DIP2A: variants seen among roughly 807,000 people sequenced by gnomAD.
DIP2A encodes DIP2 acetate--CoA ligase A.
Under a neutral mutation model 177.4 loss-of-function variants are expected in DIP2A, and 85 were observed. That is an observed-to-expected ratio of 0.48 (90% confidence interval 0.40 to 0.57). DIP2A has a LOEUF of 0.57. Ranked by LOEUF, DIP2A falls within the 20% of genes least tolerant of loss-of-function variation. The pLI is 0.00. For synonymous variants in DIP2A, 886 were observed against 881.8 expected (o/e 1.00, Z -0.08); for missense variants, 1,791 against 2,100.2 (o/e 0.85, Z 2.88).
intron 4 of DIP2A, among the ~76,000 whole-genome samples, chr21:46,497,964 A>G (rs1295018389): frequency 6.6e-6 from 1 of 152,278 alleles, no homozygotes; most frequent in African/African-American, 2.4e-5. Flanking sequence ...ACACACAGTC[A>G]TGCTGACTTG....
chr21:46,477,674 A>G (rs1422476084), intron 1 of DIP2A, among the ~76,000 whole-genome samples: 1 of 148,984 alleles, frequency 6.7e-6, no homozygotes, highest in African/African-American at 2.5e-5. Context: ...CCCTGGTTCA[A>G]GTGATTCTCC....
At chr21:46,469,119 G>C (rs977471235) in intron 1 of DIP2A, 3 of 152,216 alleles carry the variant, frequency 2.0e-5, no homozygotes, top group African/African-American at 7.2e-5. Flanking sequence ...TTATTTGTTT[G>C]CTTGTCTTTT....
chr21:46,473,748 T>G (rs1405074738), intron 1 of DIP2A, among the ~76,000 whole-genome samples: 1 of 152,086 alleles, frequency 6.6e-6, no homozygotes, highest in Non-Finnish European at 1.5e-5. Context: ...ACTCCCGACT[T>G]CAAGTGATCC....
At chr21:46,459,882 T>C (rs1334162597) in intron 1 of DIP2A, among the ~76,000 whole-genome samples, 1 of 151,998 alleles carries the variant, frequency 6.6e-6, no homozygotes, top group Non-Finnish European at 1.5e-5. Flanking sequence ...GGTGTGAGAA[T>C]CTTGAGAGGA....
intron 3 of DIP2A, among the ~76,000 whole-genome samples, chr21:46,495,459 G>C (rs112435055): frequency 0.34 from 51,746 of 151,358 alleles, 9,301 homozygotes; most frequent in Middle Eastern, 0.44. Flanking sequence ...GTAGAGACAG[G>C]GTTTCTCCAT....
chr21:46,558,581 T>A (rs551719901), intron 32 of DIP2A, 188 bp downstream of exon 32: 1 of 635,314 alleles, frequency 1.6e-6, no homozygotes, highest in Admixed American at 2.9e-5. Flanking sequence ...CTATTCTAGT[T>A]GGAGAAAGGC....
At chr21:46,576,280 T>G in the DIP2A span, among the ~76,000 whole-genome samples, 5 of 152,216 alleles carry the variant, frequency 3.3e-5, no homozygotes, top group African/African-American at 1.2e-4. Context: ...CCTCCCCCAG[T>G]GTCCCCCCAA....
At chr21:46,562,723 G>A (rs1344193556) in intron 34 of DIP2A, among the ~76,000 whole-genome samples, 1 of 152,200 alleles carries the variant, frequency 6.6e-6, no homozygotes, top group African/African-American at 2.4e-5. Context: ...GCAGGGGCTT[G>A]AAAAGCTCCC....
intron 36 of DIP2A, among the ~76,000 whole-genome samples, chr21:46,566,141 C>T (rs189786617): frequency 6.6e-6 from 1 of 152,312 alleles, no homozygotes; most frequent in East Asian, 1.9e-4. Context: ...TACCAGGCTT[C>T]TCCCCGAGGC....
rs888924081 is a variant in DIP2A, at chr21:46,563,612, C to G, written c.4090-246C>G. 5.4e-6 allele frequency: 3 copies of G among 551,440 alleles called. No individual in the cohort carries two copies. The highest frequency in any genetic ancestry group is 9.1e-6 in the Non-Finnish European group (3 of 330,218). 34.2% of individuals were successfully genotyped at this position (551,440 alleles called of 1,614,324 possible). On this transcript the variant is annotated intron_variant, in intron 34 of 37. Transcript: ENST00000417564. This position sits in a 1 kb window ranked among gnomAD's most constrained non-coding sequence, Gnocchi z 4.3. ...TTTGTAGGCTTAGTGACCCTCTGCC[C>G]CTCCTGACACCCAGAGACGGGATCC...
intron 13 of DIP2A, among the ~76,000 whole-genome samples, chr21:46,535,618 G>A (rs1024659569): frequency 3.9e-5 from 6 of 152,148 alleles, no homozygotes; most frequent in African/African-American, 1.2e-4. Context: ...GTGTTTAAAA[G>A]CAAGGGTATA....
chr21:46,484,275 A>G (rs772192422), intron 1 of DIP2A, among the ~76,000 whole-genome samples: 1 of 152,184 alleles, frequency 6.6e-6, no homozygotes, highest in Non-Finnish European at 1.5e-5. Context: ...TAAAATTTGA[A>G]GTGTTATTTA....
chr21:46,532,009 A>T lies in DIP2A; in HGVS notation c.1195-118A>T. ...TTTGGACTTGTCCCTTATGGTTTCA[A>T]GCACAATTATTACAATATTTGGGGC... is the stretch of plus-strand genomic sequence containing the variant. On this transcript the variant is annotated intron_variant, in intron 9 of 37. Transcript: ENST00000417564. The T allele has an allele frequency of 4.3e-6, 4 of 921,342 alleles. No individual in the cohort carries two copies. The East Asian group carries it at 8.0e-5, about 18-fold the overall frequency. 57.1% of individuals were successfully genotyped at this position (921,342 alleles called of 1,614,324 possible). A position where few individuals can be genotyped will look rare whatever the true frequency, so the allele number is the denominator to read the frequency against.
chr21:46,566,756 G>A lies in DIP2A; in HGVS notation c.4463+73G>A, dbSNP rs555183185. ...CCTCTGGGCATGAGTGCTGTGCATC[G>A]GTTGGAGCAGAGCAAGGACTGCTGG... On this transcript the variant is annotated intron_variant, in intron 37 of 37. Coordinates refer to ENST00000417564, the MANE Select transcript of DIP2A (RefSeq NM_015151.4). 120 of 1,587,530 alleles carry A rather than the reference G, an allele frequency of 7.6e-5. 1 individual carries two copies. The Admixed American group carries it at 7.8e-4, about 10-fold the overall frequency.
intron 3 of DIP2A, among the ~76,000 whole-genome samples, chr21:46,493,530 T>A (rs547999921): frequency 6.6e-6 from 1 of 150,790 alleles, no homozygotes; most frequent in East Asian, 2.0e-4. Flanking sequence ...TAAATGATAA[T>A]TTGGCTGGAT....
At chr21:46,476,394 A>T (rs2055848366) in intron 1 of DIP2A, among the ~76,000 whole-genome samples, 1 of 151,892 alleles carries the variant, frequency 6.6e-6, no homozygotes, top group Non-Finnish European at 1.5e-5. Flanking sequence ...AGGATGAGCA[A>T]TCTACAGAGT....
At chr21:46,475,082 AC>A (rs2055725750) in intron 1 of DIP2A, among the ~76,000 whole-genome samples, 2 of 1,316 alleles carry the variant, frequency 1.5e-3, no homozygotes, top group African/African-American at 8.1e-3. Flanking sequence ...ACTCTTCTCC[AC>A]TTAACACTCT....
At chr21:46,473,459 A>T (rs999407922) in intron 1 of DIP2A, among the ~76,000 whole-genome samples, 30 of 122,320 alleles carry the variant, frequency 2.5e-4, no homozygotes, top group African/African-American at 9.8e-4. Context: ...TGTCTCAGGG[A>T]AAAAAAAAGG....
intron 3 of DIP2A, among the ~76,000 whole-genome samples, chr21:46,492,963 C>CT (rs1162079295): frequency 6.6e-6 from 1 of 151,730 alleles, no homozygotes; most frequent in East Asian, 1.9e-4. Flanking sequence ...AAAAGAGGCA[C>CT]TAGAGCTTGC....
Sources: allele counts gnomAD v4.1 joint callset (sites outside exome capture counted in the v4.1 genomes callset), GRCh38; gene constraint gnomAD v4.1.1; non-coding constraint Gnocchi (gnomAD v3.1); transcripts MANE v1.5; gene names NCBI Gene and HGNC (gene_info 2026-07-23, HGNC 2026-07-21).